The following PDE1A variants were observed in gnomAD, a reference collection of about 807,000 sequenced individuals.
PDE1A encodes phosphodiesterase 1A, also known as dual specificity calcium/calmodulin-dependent 3',5'-cyclic nucleotide phosphodiesterase 1A.
PDE1A carries 35 observed loss-of-function variants against 61.7 expected under a neutral mutation model. The observed-to-expected ratio is 0.57, with a 90% CI of 0.43 to 0.75. The LOEUF is 0.75. PDE1A is among the 30% of genes least tolerant of loss of function. PDE1A has a pLI of 0.00. For synonymous variants in PDE1A, 232 were observed against 213.2 expected (o/e 1.09, Z -0.77); for missense variants, 597 against 630.6 (o/e 0.95, Z 0.57).
chr2:182,324,364 T>A (rs543468696), intron 1 of PDE1A, among the ~76,000 whole-genome samples: 1 of 152,020 alleles, frequency 6.6e-6, no homozygotes, highest in Admixed American at 6.6e-5. Flanking sequence ...GTATACAAAT[T>A]TAGGCATATT....
intron 7 of PDE1A, among the ~76,000 whole-genome samples, chr2:182,211,920 A>C (rs1687635118): frequency 6.6e-6 from 1 of 152,108 alleles, no homozygotes; most frequent in Non-Finnish European, 1.5e-5. Flanking sequence ...GATTTTCTAC[A>C]TGGACAATCA....
At chr2:182,173,416 C>G (rs112426249) in intron 13 of PDE1A, among the ~76,000 whole-genome samples, 145 of 152,076 alleles carry the variant, frequency 9.5e-4, no homozygotes, top group African/African-American at 3.4e-3. Flanking sequence ...CTTAGAACTT[C>G]ATGATTCTTA....
At chr2:182,513,255 C>A (rs1383485498) in intron 2 of PDE1A, among the ~76,000 whole-genome samples, 2 of 152,184 alleles carry the variant, frequency 1.3e-5, no homozygotes, top group Non-Finnish European at 2.9e-5. Context: ...GACCTTTCAA[C>A]AAAAACTCTA....
At chr2:182,368,749 T>A (rs1401402592) in intron 1 of PDE1A, among the ~76,000 whole-genome samples, 1 of 152,150 alleles carries the variant, frequency 6.6e-6, no homozygotes, top group Non-Finnish European at 1.5e-5. Context: ...GGGCATGTTA[T>A]CTAAACTCTC....
chr2:182,256,820 A>G (rs1430814937), intron 2 of PDE1A, among the ~76,000 whole-genome samples: 1 of 152,226 alleles, frequency 6.6e-6, no homozygotes, highest in Non-Finnish European at 1.5e-5. Flanking sequence ...ACAAAAACAT[A>G]CAAAAAGGAT....
chr2:182,502,811 A>C (rs1310562272), intron 2 of PDE1A, among the ~76,000 whole-genome samples: 1 of 151,492 alleles, frequency 6.6e-6, no homozygotes, highest in East Asian at 1.9e-4. Flanking sequence ...AGCATGTATT[A>C]AGTGAATACT....
At chr2:182,453,001 C>T (rs1282421500) in intron 2 of PDE1A, among the ~76,000 whole-genome samples, 1 of 152,098 alleles carries the variant, frequency 6.6e-6, no homozygotes, top group African/African-American at 2.4e-5. Context: ...CAAACAGATC[C>T]AAGCTGACCT....
chr2:182,229,969 C>T (rs1303070442), intron 6 of PDE1A, 37 bp downstream of exon 6: 13 of 1,569,808 alleles, frequency 8.3e-6, no homozygotes, highest in Non-Finnish European at 1.0e-5. Flanking sequence ...TGGAATGCTT[C>T]CAAACTAACA....
intron 3 of PDE1A, among the ~76,000 whole-genome samples, chr2:182,236,476 ATTAAGAAATTTTAAAATG>A (rs1690026439): frequency 6.6e-6 from 1 of 152,112 alleles, no homozygotes; most frequent in South Asian, 2.1e-4. Flanking sequence ...ATCATTCAGG[ATTAAGAAATTTTAAAATG>A]TTAATTAACG....
intron 1 of PDE1A, among the ~76,000 whole-genome samples, chr2:182,387,963 T>C (rs565304858): frequency 2.6e-4 from 40 of 152,026 alleles, no homozygotes; most frequent in African/African-American, 9.6e-4. Flanking sequence ...AGGAAACACA[T>C]AGACTCAAAG....
At chr2:182,348,048 T>G (rs1698624747) in intron 1 of PDE1A, among the ~76,000 whole-genome samples, 3 of 152,162 alleles carry the variant, frequency 2.0e-5, no homozygotes, top group Admixed American at 6.5e-5. Flanking sequence ...TTGAGAAGAC[T>G]ATTGCACTTA....
At chr2:182,544,875 G>A in the PDE1A span, among the ~76,000 whole-genome samples, 7 of 152,126 alleles carry the variant, frequency 4.6e-5, no homozygotes, top group Non-Finnish European at 1.0e-4. Context: ...GTGGTGGAAA[G>A]AAACAAAGAG....
the PDE1A span, among the ~76,000 whole-genome samples, chr2:182,566,906 A>G: frequency 6.6e-6 from 1 of 152,130 alleles, no homozygotes; most frequent in Non-Finnish European, 1.5e-5. Context: ...GAATACCTAG[A>G]TTTAGTTTAC....
At chr2:182,284,419 CATAAA>C (rs1432617278) in intron 1 of PDE1A, among the ~76,000 whole-genome samples, 2 of 152,148 alleles carry the variant, frequency 1.3e-5, no homozygotes, top group East Asian at 3.9e-4. Flanking sequence ...AAAATTGGAA[CATAAA>C]ATTAAATTGA....
chr2:182,162,505 C>T (rs1369641203), intron 13 of PDE1A, among the ~76,000 whole-genome samples: 1 of 152,166 alleles, frequency 6.6e-6, no homozygotes, highest in Non-Finnish European at 1.5e-5. Context: ...GCCCCTCAAT[C>T]AATTTCTAGA....
intron 13 of PDE1A, among the ~76,000 whole-genome samples, chr2:182,181,074 G>A (rs543398478): frequency 1.3e-5 from 2 of 152,004 alleles, no homozygotes. Flanking sequence ...CCCACCTTCT[G>A]AAGCCTACTT....
chr2:182,708,217 T>C, the PDE1A span, among the ~76,000 whole-genome samples: 1 of 152,222 alleles, frequency 6.6e-6, no homozygotes, highest in East Asian at 1.9e-4. Context: ...CCTACTAGCT[T>C]TGCAACCTGC....
chr2:182,346,474 A>G (rs1698526624), intron 1 of PDE1A, among the ~76,000 whole-genome samples: 1 of 152,210 alleles, frequency 6.6e-6, no homozygotes, highest in Non-Finnish European at 1.5e-5. Context: ...ACTGAGTACC[A>G]TGTCAGGAAC....
At chr2:182,433,908 C>T (rs1377183480) in intron 2 of PDE1A, among the ~76,000 whole-genome samples, 1 of 152,066 alleles carries the variant, frequency 6.6e-6, no homozygotes, top group Non-Finnish European at 1.5e-5. Context: ...TCATCCTGCT[C>T]ATTGCTCAGA....
Sources: gnomAD v4.1 joint callset for allele counts (sites outside exome capture counted in the v4.1 genomes callset) on GRCh38, gnomAD v4.1.1 for gene constraint, MANE v1.5 for transcripts, NCBI Gene and HGNC (gene_info 2026-07-23, HGNC 2026-07-21) for gene names.